The following ECHDC2 variants were observed in gnomAD, a reference collection of about 807,000 sequenced individuals.
The protein encoded by ECHDC2 is enoyl-CoA hydratase domain containing 2, also known as enoyl-CoA hydratase domain-containing protein 2, mitochondrial.
In ECHDC2, 34 loss-of-function variants were observed where a neutral mutation model predicts 40.6. The observed-to-expected ratio is 0.84, with a 90% CI of 0.64 to 1.11. The LOEUF (loss-of-function observed/expected upper bound fraction) is 1.11, where lower values mean the gene tolerates loss of function less well. ECHDC2 is among the 50% of genes most tolerant of loss of function. The pLI is 0.00. For missense variants in ECHDC2, 392 were observed against 400.7 expected, an observed-to-expected ratio of 0.98 and a Z score of 0.19; for synonymous variants, 162 against 166.6, an observed-to-expected ratio of 0.97 and a Z score of 0.21.
intron 9 of ECHDC2, chr1:52,896,864 G>C: frequency 2.2e-6 from 1 of 456,400 alleles, no homozygotes; most frequent in East Asian, 3.7e-5. Flanking sequence ...CTCAGCTGCC[G>C]TCTGCAGTGG....
intron 4 of ECHDC2, among the ~76,000 whole-genome samples, 153 bp from the exon 5 acceptor site, chr1:52,906,764 CTTTT>C (rs1224675333): frequency 3.1e-5 from 4 of 131,140 alleles, no homozygotes; most frequent in Non-Finnish European, 4.9e-5. Context: ...TATCTTAATT[CTTTT>C]TTTTTTTTTT....
intron 9 of ECHDC2, 31 bp downstream of exon 9, chr1:52,897,406 A>T (rs1320831766): frequency 5.6e-6 from 9 of 1,612,214 alleles, no homozygotes; most frequent in African/African-American, 1.3e-5. Flanking sequence ...AGCCTATGTT[A>T]ACAAGCAGGC....
rs1467873566 is a variant in ECHDC2, at chr1:52,921,534, C to G, written c.121+19G>C. ...TAGTCCCAGTCGCGTCATGCGCCGC[C>G]CCGGAACTGCACATTTACCTTGGTC... On this transcript the variant is annotated intron_variant, in intron 1 of 9. Coordinates refer to ENST00000371522, the MANE Select transcript of ECHDC2 (RefSeq NM_001198961.2). 1 of 1,605,448 alleles carries G rather than the reference C, an allele frequency of 6.2e-7. No individual in the cohort carries two copies. Among genetic ancestry groups the G allele is most frequent in the Admixed American group, 1.7e-5 (1 of 59,314 alleles).
At chr1:52,906,411 G>T in intron 5 of ECHDC2, 108 bp downstream of exon 5, 4 of 998,406 alleles carry the variant, frequency 4.0e-6, no homozygotes, top group Non-Finnish European at 6.2e-6. Flanking sequence ...TTTTGCTTTT[G>T]GTTGGAAGCC....
At chr1:52,921,097 GCGGCCCAGGGCGGGCGCGCGGC>G (rs2150078106) in intron 1 of ECHDC2, among the ~76,000 whole-genome samples, 1 of 152,376 alleles carries the variant, frequency 6.6e-6, no homozygotes, top group East Asian at 1.9e-4. Flanking sequence ...AGGTTCGCTA[GCGGCCCAGGGCGGGCGCGCGGC>G]TGGAGAGGCA....
In ECHDC2 at chr1:52,896,441, G is replaced by C; in HGVS notation, c.*79C>G. 1 of 1,121,240 alleles carries C rather than the reference G, an allele frequency of 8.9e-7. No homozygotes were observed. Among genetic ancestry groups the C allele is most frequent in the Non-Finnish European group, 1.4e-6 (1 of 730,568 alleles). The allele number at this position is 1,121,240 out of a possible 1,614,324, so 69.5% of individuals were successfully genotyped here. A position where few individuals can be genotyped will look rare whatever the true frequency, so the allele number is the denominator to read the frequency against. On this transcript the variant is annotated 3_prime_UTR_variant, in exon 10 of 10. Coordinates refer to ENST00000371522, the MANE Select transcript of ECHDC2 (RefSeq NM_001198961.2). ...AAGTCTGGAGAGGTGAAATGATGAA[G>C]GCAATCTGGCCACAAATCTTCCTTC...
At chr1:52,915,547 G>A (rs751870037) in intron 1 of ECHDC2, among the ~76,000 whole-genome samples, 7 of 152,160 alleles carry the variant, frequency 4.6e-5, no homozygotes, top group Non-Finnish European at 5.9e-5. Context: ...CCATAAGGTC[G>A]CTTCCAGCTC....
At chr1:52,921,379 C>T in intron 1 of ECHDC2, 174 bp downstream of exon 1, 5 of 1,389,928 alleles carry the variant, frequency 3.6e-6, no homozygotes, top group Non-Finnish European at 4.7e-6. Flanking sequence ...AGTCTGGAGC[C>T]ACTAAGGCGG....
chr1:52,921,207 C>A (rs1651806442), intron 1 of ECHDC2, among the ~76,000 whole-genome samples: 1 of 152,150 alleles, frequency 6.6e-6, no homozygotes, highest in Non-Finnish European at 1.5e-5. Context: ...GGGCCAGGAC[C>A]CTTGGCGGGG....
chr1:52,920,744 TAAAAA>T (rs377364432), intron 1 of ECHDC2: 1 of 453,410 alleles, frequency 2.2e-6, no homozygotes, highest in Non-Finnish European at 4.0e-6. Flanking sequence ...AAACTTTTGT[TAAAAA>T]AAAAAAAGAA....
intron 5 of ECHDC2, 62 bp from the exon 6 acceptor site, chr1:52,905,152 G>A: frequency 6.3e-7 from 1 of 1,581,068 alleles, no homozygotes; most frequent in Non-Finnish European, 8.6e-7. Context: ...GCTAATCCCG[G>A]GGGCCACAGC....
intron 3 of ECHDC2, among the ~76,000 whole-genome samples, chr1:52,909,798 C>T (rs1176838073): frequency 1.3e-5 from 2 of 152,092 alleles, no homozygotes; most frequent in Non-Finnish European, 2.9e-5. Flanking sequence ...TTTCAATCTG[C>T]GGTTGGTTGA....
chr1:52,911,527 C>T, intron 3 of ECHDC2, 39 bp downstream of exon 3: 1 of 1,599,802 alleles, frequency 6.3e-7, no homozygotes, highest in Admixed American at 1.7e-5. Context: ...CTGGTGGGCA[C>T]CCTGCAGAGC....
chr1:52,907,924 C>T lies in ECHDC2; in HGVS notation c.308G>A (p.Ser103Asn). 6.2e-7 allele frequency: 1 copy of T among 1,614,072 alleles called. No homozygotes were observed. The highest frequency in any genetic ancestry group is 8.5e-7 in the Non-Finnish European group (1 of 1,179,994). The change falls in exon 4 of 10, where the codon AGT becomes AAT. Residue 103 changes from serine (S) to asparagine (N), a missense_variant. Coordinates refer to ENST00000371522, the MANE Select transcript of ECHDC2 (RefSeq NM_001198961.2). ...GADLKEREQM[S>N]EAEVGVFVQR... is the part of the protein sequence containing the mutation. Reference sequence around the variant, plus strand: ...GACAAACACCCCCACCTCTGCTTCACTCATCTGTTCCCGCTCCTTCAGGTC... The same window carrying T: ...GACAAACACCCCCACCTCTGCTTCATTCATCTGTTCCCGCTCCTTCAGGTC...
chr1:52,905,127 A>C (rs768158331), intron 5 of ECHDC2, 37 bp from the exon 6 acceptor site: 1 of 1,610,594 alleles, frequency 6.2e-7, no homozygotes, highest in South Asian at 1.1e-5. Context: ...TCCCTCCCCC[A>C]TCCGGTCCCC....
intron 8 of ECHDC2, chr1:52,898,768 T>C (rs973265525): frequency 2.7e-5 from 7 of 262,948 alleles, no homozygotes; most frequent in African/African-American, 1.7e-4. Flanking sequence ...GATGGGAGAG[T>C]TGAGGTGGAC....
intron 1 of ECHDC2, among the ~76,000 whole-genome samples, chr1:52,921,124 G>A (rs1178017686): frequency 6.6e-6 from 1 of 152,180 alleles, no homozygotes. Flanking sequence ...CGCGGCTGGA[G>A]AGGCACCCTC....
intron 1 of ECHDC2, chr1:52,917,690 C>G (rs1363176318): frequency 2.2e-6 from 1 of 455,684 alleles, no homozygotes; most frequent in Non-Finnish European, 4.4e-6. Flanking sequence ...AGCTACAGAC[C>G]ACATATAAGA....
chr1:52,907,821 G>A, intron 4 of ECHDC2, 47 bp downstream of exon 4: 1 of 1,515,338 alleles, frequency 6.6e-7, no homozygotes, highest in East Asian at 2.3e-5. Flanking sequence ...ACTGTCATCG[G>A]CAGGGACCCC....
Sources: allele counts gnomAD v4.1 joint callset (sites outside exome capture counted in the v4.1 genomes callset), GRCh38; gene constraint gnomAD v4.1.1; transcripts MANE v1.5; gene names NCBI Gene and HGNC (gene_info 2026-07-23, HGNC 2026-07-21).